RNF150: variants seen among roughly 807,000 people sequenced by gnomAD.
RNF150 encodes the protein ring finger protein 150.
RNF150 carries 24 observed loss-of-function variants against 39.3 expected under a neutral mutation model. The ratio of observed to expected loss-of-function variants is 0.61; its 90% confidence interval spans 0.44 to 0.86. RNF150 has a LOEUF of 0.86. Among genes scored for constraint, RNF150 ranks in the 40% least tolerant of loss-of-function variants. The probability of loss-of-function intolerance (pLI) is 0.00; values close to 1 mark genes in which losing one functional copy is unlikely to be tolerated. For synonymous variants in RNF150, 255 were observed against 227.3 expected (o/e 1.12, Z -1.10); for missense variants, 502 against 587.8 (o/e 0.85, Z 1.51).
intron 1 of RNF150, among the ~76,000 whole-genome samples, chr4:141,108,594 C>G (rs1739288623): frequency 6.6e-6 from 1 of 152,086 alleles, no homozygotes; most frequent in Non-Finnish European, 1.5e-5. Flanking sequence ...TTCTGACAAT[C>G]TATACCATGT....
At chr4:140,984,133 T>G (rs1398724073) in intron 1 of RNF150, among the ~76,000 whole-genome samples, 3 of 152,144 alleles carry the variant, frequency 2.0e-5, no homozygotes, top group African/African-American at 7.2e-5. Flanking sequence ...TTTTAAATTT[T>G]GAATCATTTT....
At chr4:141,148,764 C>T (rs188036039) in intron 1 of RNF150, among the ~76,000 whole-genome samples, 25 of 152,270 alleles carry the variant, frequency 1.6e-4, no homozygotes, top group Non-Finnish European at 2.8e-4. Context: ...AATGGTACCA[C>T]GTCCCTGTTT....
chr4:141,126,478 G>A (rs773556208), intron 1 of RNF150, among the ~76,000 whole-genome samples: 14 of 152,124 alleles, frequency 9.2e-5, no homozygotes, highest in Non-Finnish European at 1.9e-4. Flanking sequence ...GTCTGTTTCC[G>A]TAACATCTCC....
intron 1 of RNF150, among the ~76,000 whole-genome samples, chr4:141,034,283 T>C (rs1578654013): frequency 6.6e-6 from 1 of 152,306 alleles, no homozygotes; most frequent in East Asian, 1.9e-4. Flanking sequence ...GCTTCAAACT[T>C]TTCTTTTGCA....
intron 1 of RNF150, among the ~76,000 whole-genome samples, chr4:141,207,493 G>A (rs1048226059): frequency 3.3e-5 from 5 of 152,114 alleles, no homozygotes; most frequent in African/African-American, 4.8e-5. Context: ...GCCTCTGAGA[G>A]CAAAGATGAG....
At chr4:140,935,006 TAAATATA>T (rs1731785639) in intron 4 of RNF150, among the ~76,000 whole-genome samples, 4 of 80,432 alleles carry the variant, frequency 5.0e-5, no homozygotes, top group African/African-American at 1.8e-4. Flanking sequence ...TATATATATA[TAAATATA>T]TATATATTAT....
intron 1 of RNF150, among the ~76,000 whole-genome samples, chr4:141,163,151 G>T (rs543026571): frequency 6.6e-6 from 1 of 152,138 alleles, no homozygotes; most frequent in East Asian, 1.9e-4. Context: ...GCTTGAGTAG[G>T]CGGTTTTCCC....
At chr4:141,200,368 T>A (rs970316194) in intron 1 of RNF150, among the ~76,000 whole-genome samples, 6 of 152,056 alleles carry the variant, frequency 3.9e-5, no homozygotes, top group Admixed American at 6.6e-5. Flanking sequence ...CCTAATACTA[T>A]CACATCGGGA....
chr4:141,201,855 C>T (rs1392846104), intron 1 of RNF150, among the ~76,000 whole-genome samples: 3 of 152,104 alleles, frequency 2.0e-5, no homozygotes, highest in Admixed American at 6.6e-5. Flanking sequence ...TCCCCCAAAT[C>T]CATATGTTGG....
rs190155435 is a variant in RNF150, at chr4:141,172,715, A to G, written c.-6+40079T>C. 8.5e-5 allele frequency among the ~76,000 whole-genome samples: 13 copies of G among 152,280 alleles called. No individual in the cohort carries two copies. In the East Asian group the frequency reaches 2.5e-3, roughly 29 times the overall value. ...TTGAGCATTAATTACACTTGGTTCAAAAGCTTAATTTATGAAAACTAGGAT... is the reference window on the plus strand; with the variant it reads ...TTGAGCATTAATTACACTTGGTTCAGAAGCTTAATTTATGAAAACTAGGAT... On this transcript the variant is annotated intron_variant, in intron 1 of 7. Transcript: ENST00000420921.
chr4:140,881,538 T>G (rs932453204), intron 6 of RNF150, among the ~76,000 whole-genome samples: 2 of 152,188 alleles, frequency 1.3e-5, no homozygotes, highest in Non-Finnish European at 2.9e-5. Flanking sequence ...TCAAGACGTT[T>G]TCCAGTTTAT....
At chr4:140,990,795 A>T (rs1579032482) in intron 1 of RNF150, among the ~76,000 whole-genome samples, 1 of 152,308 alleles carries the variant, frequency 6.6e-6, no homozygotes, top group Admixed American at 6.5e-5. Context: ...TGCAATGAAC[A>T]TACGTGTGCA....
chr4:141,075,338 C>CAGGT (rs60297070), intron 1 of RNF150, among the ~76,000 whole-genome samples: 112,689 of 151,870 alleles, frequency 0.74, 43,690 homozygotes, highest in Non-Finnish European at 0.87. Context: ...GGTCCTCAGG[C>CAGGT]AGGTCCATAC....
At chr4:141,020,967 T>C (rs1735469087) in intron 1 of RNF150, among the ~76,000 whole-genome samples, 1 of 152,130 alleles carries the variant, frequency 6.6e-6, no homozygotes, top group Admixed American at 6.6e-5. Flanking sequence ...TCAGGACTAC[T>C]GCAATAGAGG....
chr4:141,147,713 C>G (rs1436958809), intron 1 of RNF150, among the ~76,000 whole-genome samples: 1 of 152,138 alleles, frequency 6.6e-6, no homozygotes, highest in African/African-American at 2.4e-5. Context: ...CTCTGCCTCA[C>G]TAAGCTTAGA....
At chr4:140,958,903 C>G (rs1335832468) in intron 2 of RNF150, among the ~76,000 whole-genome samples, 1 of 152,074 alleles carries the variant, frequency 6.6e-6, no homozygotes, top group Non-Finnish European at 1.5e-5. Context: ...ATTATAGGGC[C>G]TTTCTTTCTT....
At chr4:140,971,706 T>C (rs1025293724) in intron 1 of RNF150, among the ~76,000 whole-genome samples, 1 of 152,088 alleles carries the variant, frequency 6.6e-6, no homozygotes, top group East Asian at 1.9e-4. Context: ...TGCCAGGATC[T>C]AATTTGGTAT....
At chr4:141,118,338 T>C (rs1421725310) in intron 1 of RNF150, among the ~76,000 whole-genome samples, 2 of 152,196 alleles carry the variant, frequency 1.3e-5, no homozygotes, top group African/African-American at 4.8e-5. Context: ...GGTCCTTCTC[T>C]CTCAGGTTTT....
intron 1 of RNF150, among the ~76,000 whole-genome samples, chr4:141,013,560 A>AAT (rs1286855187): frequency 6.6e-6 from 1 of 152,058 alleles, no homozygotes; most frequent in Non-Finnish European, 1.5e-5. Context: ...CTTTACACAA[A>AAT]ATTTCTCTGT....
Sources: gnomAD v4.1 joint callset for allele counts (sites outside exome capture counted in the v4.1 genomes callset) on GRCh38, gnomAD v4.1.1 for gene constraint, MANE v1.5 for transcripts, NCBI Gene and HGNC (gene_info 2026-07-23, HGNC 2026-07-21) for gene names.